The following MUSK variants were observed in gnomAD, a reference collection of about 807,000 sequenced individuals.
The protein encoded by MUSK is muscle associated receptor tyrosine kinase.
MUSK carries 55 observed loss-of-function variants against 88.7 expected under a neutral mutation model. That is an observed-to-expected ratio of 0.62 (90% confidence interval 0.50 to 0.78). The LOEUF (loss-of-function observed/expected upper bound fraction) is 0.78. Among genes scored for constraint, MUSK ranks in the 30% least tolerant of loss-of-function variants. The pLI, the probability that MUSK is intolerant of heterozygous loss-of-function variation, is 0.00. For missense variants in MUSK, 1,015 were observed against 1,074.3 expected, an observed-to-expected ratio of 0.94 and a Z score of 0.77; for synonymous variants, 387 against 391.9, an observed-to-expected ratio of 0.99 and a Z score of 0.15.
chr9:110,677,740 C>G (rs1372384447), intron 1 of MUSK, among the ~76,000 whole-genome samples: 1 of 152,004 alleles, frequency 6.6e-6, no homozygotes, highest in Non-Finnish European at 1.5e-5. Context: ...CTAGTTTTAT[C>G]AAGTTCAGTG....
chr9:110,775,973 A>T lies in MUSK; in HGVS notation c.1360+10A>T. On this transcript the variant is annotated intron_variant, in intron 10 of 14. Coordinates refer to ENST00000374448, the MANE Select transcript of MUSK (RefSeq NM_005592.4). ...AGACTGCCACATCTAGGTAACACAG[A>T]GTTCTCCCAAGACTTTGGAGGTTAA... 1 of 1,599,358 alleles carries T rather than the reference A, an allele frequency of 6.3e-7. No homozygotes were observed. Among genetic ancestry groups the T allele is most frequent in the Non-Finnish European group, 8.5e-7 (1 of 1,171,868 alleles).
chr9:110,696,887 C>T (rs1015026982), intron 4 of MUSK, among the ~76,000 whole-genome samples: 3 of 151,576 alleles, frequency 2.0e-5, no homozygotes, highest in Admixed American at 1.3e-4. Context: ...TTTTAGCGTG[C>T]CTATTACCTG....
intron 3 of MUSK, among the ~76,000 whole-genome samples, chr9:110,688,024 T>G (rs778791192): frequency 1.1e-4 from 17 of 152,174 alleles, no homozygotes; most frequent in Non-Finnish European, 1.8e-4. Context: ...CTCCACTTCA[T>G]GTCTACAAGA....
At chr9:110,673,110 T>C (rs1287030294) in intron 1 of MUSK, among the ~76,000 whole-genome samples, 1 of 152,190 alleles carries the variant, frequency 6.6e-6, no homozygotes, top group Admixed American at 6.5e-5. Flanking sequence ...CATGTGATTG[T>C]GTCAGTGAAA....
chr9:110,800,207 G>T (rs950581473), intron 14 of MUSK, 99 bp from the exon 15 acceptor site: 6 of 1,050,122 alleles, frequency 5.7e-6, no homozygotes, highest in Non-Finnish European at 8.3e-6. Flanking sequence ...CAAAAAACAG[G>T]GCTTCATATG....
rs779031081 is a variant in MUSK, at chr9:110,784,908, C to T, written c.1478C>T (p.Ser493Phe). 1 of 1,613,860 alleles carries T rather than the reference C, an allele frequency of 6.2e-7. No homozygotes were observed. Among genetic ancestry groups the T allele is most frequent in the African/African-American group, 1.3e-5 (1 of 75,054 alleles). ...SSSFSVSPTY[S>F]MTVIISIMSS... is the part of the protein sequence containing the mutation. ...TCCTTCTCTGTCTCACCTACATACT[C>T]CATGACTGTAATAATCTCCATCATG... The change falls in exon 12 of 15, where the codon TCC becomes TTC. Residue 493 changes from serine to phenylalanine, a missense_variant. Ser to Phe is a radical substitution (Grantham distance 155). Transcript: ENST00000374448.
intron 9 of MUSK, among the ~76,000 whole-genome samples, chr9:110,770,792 T>C (rs2131968403): frequency 6.6e-6 from 1 of 151,892 alleles, no homozygotes; most frequent in East Asian, 1.9e-4. Context: ...TTTATAGTCA[T>C]TGCTGTTGTT....
intron 7 of MUSK, among the ~76,000 whole-genome samples, chr9:110,758,005 C>G (rs957671502): frequency 2.0e-5 from 3 of 152,314 alleles, no homozygotes; most frequent in East Asian, 1.9e-4. Flanking sequence ...CTCTCTTCCT[C>G]CCAAGTTGGA....
At chr9:110,712,954 GGA>G (rs1228867248) in intron 5 of MUSK, among the ~76,000 whole-genome samples, 1 of 152,168 alleles carries the variant, frequency 6.6e-6, no homozygotes, top group Non-Finnish European at 1.5e-5. Flanking sequence ...ACAGGACAGA[GGA>G]GATAGGGAAA....
chr9:110,767,748 A>G, intron 8 of MUSK, 72 bp from the exon 9 acceptor site: 1 of 1,592,566 alleles, frequency 6.3e-7, no homozygotes. Flanking sequence ...GAAAACCAAA[A>G]AAAAAAAGAA....
chr9:110,752,773 G>T (rs1180902989), intron 7 of MUSK, among the ~76,000 whole-genome samples: 1 of 152,192 alleles, frequency 6.6e-6, no homozygotes, highest in East Asian at 1.9e-4. Flanking sequence ...AAAAAATAAA[G>T]ATCAGGCTTC....
intron 6 of MUSK, among the ~76,000 whole-genome samples, chr9:110,746,239 C>A (rs2077173331): frequency 6.6e-6 from 1 of 151,928 alleles, no homozygotes; most frequent in African/African-American, 2.4e-5. Flanking sequence ...ATATAAGCAG[C>A]GTTAATTAAA....
At chr9:110,672,280 A>T (rs1007572215) in intron 1 of MUSK, among the ~76,000 whole-genome samples, 1 of 152,208 alleles carries the variant, frequency 6.6e-6, no homozygotes, top group African/African-American at 2.4e-5. Context: ...GAAGGAGAGT[A>T]ACAAGTGAGG....
At chr9:110,690,132 A>G (rs1421474810) in intron 3 of MUSK, among the ~76,000 whole-genome samples, 1 of 105,300 alleles carries the variant, frequency 9.5e-6, no homozygotes, top group African/African-American at 3.8e-5. Flanking sequence ...ATATAAGTAT[A>G]AATATAGAAA....
chr9:110,763,974 T>C (rs931020589), intron 8 of MUSK, among the ~76,000 whole-genome samples: 4 of 152,170 alleles, frequency 2.6e-5, no homozygotes, highest in Non-Finnish European at 5.9e-5. Context: ...TTGTCTGTTA[T>C]AAAAGAAGTT....
chr9:110,749,588 A>C (rs2077222612), intron 7 of MUSK, among the ~76,000 whole-genome samples: 1 of 152,200 alleles, frequency 6.6e-6, no homozygotes, highest in African/African-American at 2.4e-5. Context: ...AGAAGAAATA[A>C]GTGCAATAGA....
chr9:110,726,206 G>A (rs983958204), intron 5 of MUSK, among the ~76,000 whole-genome samples: 1 of 151,950 alleles, frequency 6.6e-6, no homozygotes, highest in Non-Finnish European at 1.5e-5. Context: ...ATTTCTGGTA[G>A]AACTTCTAAG....
chr9:110,733,488 C>T (rs4579595), intron 5 of MUSK, among the ~76,000 whole-genome samples: 119,019 of 151,928 alleles, frequency 0.78, 46,900 homozygotes, highest in African/African-American at 0.82. Flanking sequence ...TCAAAATAAC[C>T]TCCTCTTACT....
chr9:110,682,682 A>G lies in MUSK; in HGVS notation c.88A>G (p.Ile30Val). Reference sequence around the variant, plus strand: ...TTCTCCTTTCCTTTCAGCTCCTGTCATCACCACTCCTCTTGAAACAGTGGA... The same window carrying G: ...TTCTCCTTTCCTTTCAGCTCCTGTCGTCACCACTCCTCTTGAAACAGTGGA... ...GTEKLPKAPV[I>V]TTPLETVDAL... The change falls in exon 2 of 15, where the codon ATC becomes GTC. Residue 30 changes from isoleucine (I) to valine (V), a missense_variant. Physicochemically the swap from Ile to Val is conservative, Grantham distance 29 (BLOSUM62 3). Transcript: ENST00000374448. 2 of 1,612,308 alleles carry G rather than the reference A, an allele frequency of 1.2e-6. No homozygotes were observed. Among genetic ancestry groups the G allele is most frequent in the Non-Finnish European group, 1.7e-6 (2 of 1,178,828 alleles).
Sources: allele counts gnomAD v4.1 joint callset (sites outside exome capture counted in the v4.1 genomes callset), GRCh38; gene constraint gnomAD v4.1.1; transcripts MANE v1.5; gene names NCBI Gene and HGNC (gene_info 2026-07-23, HGNC 2026-07-21).